Variants in DTNB observed in about 807,000 individuals in gnomAD.
The protein encoded by DTNB is DTN-B.
In DTNB, 63 loss-of-function variants were observed where a neutral mutation model predicts 90.7. The observed-to-expected ratio is 0.69, with a 90% CI of 0.57 to 0.86. The LOEUF is 0.86. Among genes scored for constraint, DTNB ranks in the 40% least tolerant of loss-of-function variants. The pLI is 0.00. For synonymous variants in DTNB, 277 were observed against 286.7 expected (o/e 0.97, Z 0.34); for missense variants, 744 against 807.1 (o/e 0.92, Z 0.95).
chr2:25,510,944 T>C (rs1305215051), intron 9 of DTNB, among the ~76,000 whole-genome samples: 1 of 152,228 alleles, frequency 6.6e-6, no homozygotes, highest in East Asian at 1.9e-4. Context: ...TAAATTCTGG[T>C]TTCAAACCCA....
At chr2:25,432,206 T>TACACACACACACACACAC (rs60610400) in intron 14 of DTNB, among the ~76,000 whole-genome samples, 7 of 146,320 alleles carry the variant, frequency 4.8e-5, no homozygotes. Flanking sequence ...GAAGAGTGCG[T>TACACACACACACACACAC]ACACACACAC....
intron 2 of DTNB, among the ~76,000 whole-genome samples, chr2:25,639,991 C>G (rs1325636456): frequency 6.6e-6 from 1 of 152,192 alleles, no homozygotes; most frequent in Non-Finnish European, 1.5e-5. Context: ...AAGCCCTAAG[C>G]CTTTGAGTCT....
chr2:25,427,817 G>A, intron 14 of DTNB, 186 bp from the exon 15 acceptor site: 2 of 482,548 alleles, frequency 4.1e-6, no homozygotes, highest in Non-Finnish European at 7.3e-6. Flanking sequence ...ACTGTTCTGA[G>A]AATAATAGGT....
intron 15 of DTNB, among the ~76,000 whole-genome samples, chr2:25,426,360 T>C (rs907154665): frequency 6.6e-6 from 1 of 152,244 alleles, no homozygotes; most frequent in Non-Finnish European, 1.5e-5. Flanking sequence ...CGCTTGGGTG[T>C]AGCTCTAGTT....
At chr2:25,578,139 A>G (rs977353059) in intron 7 of DTNB, among the ~76,000 whole-genome samples, 3 of 152,230 alleles carry the variant, frequency 2.0e-5, no homozygotes, top group Non-Finnish European at 2.9e-5. Flanking sequence ...CCAAAAATAT[A>G]TATTAACTAG....
chr2:25,660,751 T>A (rs2083009300), intron 1 of DTNB, among the ~76,000 whole-genome samples: 1 of 152,316 alleles, frequency 6.6e-6, no homozygotes, highest in African/African-American at 2.4e-5. Context: ...CTGATGGAAA[T>A]CTGAGTTGTT....
intron 5 of DTNB, chr2:25,598,857 A>C (rs1033669708): frequency 1.3e-5 from 2 of 152,138 alleles, no homozygotes; most frequent in African/African-American, 2.4e-5. Flanking sequence ...CAGCCAATTT[A>C]TAGTGAGAAA....
chr2:25,532,034 G>T (rs1332607114), intron 8 of DTNB, among the ~76,000 whole-genome samples: 2 of 152,088 alleles, frequency 1.3e-5, no homozygotes, highest in Non-Finnish European at 2.9e-5. Context: ...ATCACCTGAG[G>T]TTGGGAGTTT....
intron 16 of DTNB, among the ~76,000 whole-genome samples, chr2:25,409,863 T>C (rs528441360): frequency 1.6e-4 from 25 of 152,326 alleles, no homozygotes; most frequent in African/African-American, 5.8e-4. Flanking sequence ...CTAGCCCTGT[T>C]TTCCCATTGA....
chr2:25,607,747 C>T (rs1559212640), intron 4 of DTNB, among the ~76,000 whole-genome samples: 2 of 152,142 alleles, frequency 1.3e-5, no homozygotes, highest in Non-Finnish European at 2.9e-5. Context: ...TTGTTACATA[C>T]TAAACAACAG....
At chr2:25,472,220 T>C (rs1045117775) in intron 10 of DTNB, among the ~76,000 whole-genome samples, 2 of 152,168 alleles carry the variant, frequency 1.3e-5, no homozygotes, top group Non-Finnish European at 2.9e-5. Flanking sequence ...TACCAGACGC[T>C]GCGGCTCACA....
intron 9 of DTNB, among the ~76,000 whole-genome samples, chr2:25,526,395 A>ATATATT: frequency 7.4e-4 from 37 of 49,830 alleles, no homozygotes; most frequent in East Asian, 2.3e-3. Context: ...ATATATATAT[A>ATATATT]TTTTTTTTTT....
At chr2:25,531,669 A>G in intron 8 of DTNB, 72 bp from the exon 9 acceptor site, 1 of 1,537,570 alleles carries the variant, frequency 6.5e-7, no homozygotes, top group Non-Finnish European at 8.7e-7. Flanking sequence ...AAAGAAAAAA[A>G]CTTTGTGACA....
intron 9 of DTNB, among the ~76,000 whole-genome samples, chr2:25,487,024 T>C (rs1013900643): frequency 1.4e-4 from 21 of 152,204 alleles, no homozygotes; most frequent in Non-Finnish European, 2.6e-4. Context: ...AAGATGATGA[T>C]ATAGGTAGAA....
At chr2:25,646,384 A>C (rs1041923681) in intron 2 of DTNB, among the ~76,000 whole-genome samples, 2 of 152,062 alleles carry the variant, frequency 1.3e-5, no homozygotes, top group African/African-American at 2.4e-5. Context: ...AGACAGGAGA[A>C]TCGCTTGAAC....
At chr2:25,539,149 A>G (rs2080550323) in intron 8 of DTNB, among the ~76,000 whole-genome samples, 1 of 152,060 alleles carries the variant, frequency 6.6e-6, no homozygotes, top group South Asian at 2.1e-4. Context: ...TATCCATTCC[A>G]CTGCTGACAA....
intron 1 of DTNB, among the ~76,000 whole-genome samples, chr2:25,670,281 G>A (rs972362151): frequency 2.0e-5 from 3 of 152,150 alleles, no homozygotes; most frequent in Admixed American, 2.0e-4. Flanking sequence ...ATATATACAT[G>A]AAAATACATA....
intron 8 of DTNB, among the ~76,000 whole-genome samples, chr2:25,557,578 G>A (rs1333779158): frequency 1.3e-5 from 2 of 152,014 alleles, no homozygotes; most frequent in Non-Finnish European, 2.9e-5. Flanking sequence ...AAATGTCCAG[G>A]GCCTTTGTTT....
chr2:25,466,702 A>C (rs1008492885), intron 10 of DTNB, among the ~76,000 whole-genome samples: 1 of 152,226 alleles, frequency 6.6e-6, no homozygotes, highest in Admixed American at 6.5e-5. Context: ...TCTGTTCTTG[A>C]ATTGACAGGC....
Sources: allele counts gnomAD v4.1 joint callset (sites outside exome capture counted in the v4.1 genomes callset), GRCh38; gene constraint gnomAD v4.1.1; transcripts MANE v1.5; gene names NCBI Gene and HGNC (gene_info 2026-07-23, HGNC 2026-07-21).